The following SPOCK3 variants were observed in gnomAD, a reference collection of about 807,000 sequenced individuals.
SPOCK3 encodes testican-3.
Under a neutral mutation model 56.6 loss-of-function variants are expected in SPOCK3, and 30 were observed. The ratio of observed to expected loss-of-function variants is 0.53; its 90% CI spans 0.40 to 0.72. SPOCK3 has a LOEUF of 0.72. SPOCK3 is among the 30% of genes least tolerant of loss of function. SPOCK3 has a pLI of 0.00. For missense variants in SPOCK3, 527 were observed against 530.0 expected, an observed-to-expected ratio of 0.99 and a Z score of 0.06; for synonymous variants, 196 against 183.3, an observed-to-expected ratio of 1.07 and a Z score of -0.56.
intron 4 of SPOCK3, among the ~76,000 whole-genome samples, chr4:166,917,617 C>A (rs1054221752): frequency 6.6e-6 from 1 of 152,118 alleles, no homozygotes; most frequent in Non-Finnish European, 1.5e-5. Context: ...TATACAGGGT[C>A]ACTGTCACTC....
At chr4:167,205,307 TTA>T (rs554395757) in intron 2 of SPOCK3, among the ~76,000 whole-genome samples, 1 of 39,654 alleles carries the variant, frequency 2.5e-5, no homozygotes, top group African/African-American at 9.0e-5. Context: ...ATAATATATA[TTA>T]TATATTTTAT....
chr4:166,947,420 G>T lies in SPOCK3; in HGVS notation c.351-34677C>A, dbSNP rs76601206. ...TTCCTGAATGTTCATTCATTATAAC[G>T]CTGTGCAGAACTTTGTTTACTAAAG... On this transcript the variant is annotated intron_variant, in intron 4 of 10. Transcript: ENST00000357545. 2.8e-4 allele frequency among the ~76,000 whole-genome samples: 43 copies of T among 152,078 alleles called. 1 individual carries two copies. The East Asian group carries it at 7.4e-3, about 26-fold the overall frequency.
chr4:167,054,824 T>A (rs1481089121), intron 3 of SPOCK3, among the ~76,000 whole-genome samples: 1 of 152,240 alleles, frequency 6.6e-6, no homozygotes, highest in Non-Finnish European at 1.5e-5. Flanking sequence ...TAGTTGATTT[T>A]ATCTAGAAGC....
chr4:166,860,114 G>A (rs1004011035), intron 6 of SPOCK3, among the ~76,000 whole-genome samples: 15 of 152,212 alleles, frequency 9.9e-5, no homozygotes, highest in East Asian at 3.9e-4. Context: ...TGAATCAGGC[G>A]TAGCTGGTAT....
chr4:167,027,609 T>G (rs1751815061), intron 3 of SPOCK3, among the ~76,000 whole-genome samples: 1 of 152,086 alleles, frequency 6.6e-6, no homozygotes, highest in Non-Finnish European at 1.5e-5. Flanking sequence ...TATTAACAGC[T>G]TACTGTTGAA....
chr4:166,765,965 C>G (rs1737978820), intron 7 of SPOCK3, among the ~76,000 whole-genome samples: 1 of 151,970 alleles, frequency 6.6e-6, no homozygotes, highest in African/African-American at 2.4e-5. Flanking sequence ...AATGGGAGTT[C>G]ACTCATGATT....
At chr4:166,771,550 A>G (rs182684634) in intron 7 of SPOCK3, among the ~76,000 whole-genome samples, 78 of 152,124 alleles carry the variant, frequency 5.1e-4, no homozygotes, top group Non-Finnish European at 9.0e-4. Flanking sequence ...TTATTATTAC[A>G]TTTCATCAAA....
At chr4:166,998,652 T>C (rs1433273691) in intron 4 of SPOCK3, among the ~76,000 whole-genome samples, 1 of 152,118 alleles carries the variant, frequency 6.6e-6, no homozygotes, top group African/African-American at 2.4e-5. Flanking sequence ...ACGTCTTTGG[T>C]TGCTCTTTGA....
chr4:167,085,497 T>A (rs553530395), intron 2 of SPOCK3, among the ~76,000 whole-genome samples: 1 of 152,270 alleles, frequency 6.6e-6, no homozygotes, highest in South Asian at 2.1e-4. Context: ...CAATACTCAT[T>A]TGAAATATCT....
intron 4 of SPOCK3, among the ~76,000 whole-genome samples, chr4:166,955,104 G>T (rs1226152680): frequency 1.3e-4 from 20 of 152,042 alleles, no homozygotes; most frequent in Admixed American, 1.3e-3. Flanking sequence ...TCACTGTTAT[G>T]TAAATTCATG....
chr4:167,161,393 G>T (rs1468520433), intron 2 of SPOCK3, among the ~76,000 whole-genome samples: 1 of 152,138 alleles, frequency 6.6e-6, no homozygotes, highest in South Asian at 2.1e-4. Context: ...GGAAACAACA[G>T]GTGCTGGAGA....
chr4:166,738,380 G>C (rs1375644880), intron 9 of SPOCK3, among the ~76,000 whole-genome samples: 5 of 151,614 alleles, frequency 3.3e-5, no homozygotes, highest in African/African-American at 9.7e-5. Flanking sequence ...AGGGAACACA[G>C]TCTATTGGGA....
chr4:167,116,571 T>A lies in SPOCK3; in HGVS notation c.190-54034A>T, dbSNP rs377157659. On this transcript the variant is annotated intron_variant, in intron 2 of 10. Transcript: ENST00000357545. The stretch of plus-strand genomic sequence containing the variant: ...ATATATATGAGTATATATACTTTTA[T>A]ACATATATAGTTTTGTATATATATA... Among the ~76,000 whole-genome samples the A allele has an allele frequency of 2.2e-4, 22 of 100,654 alleles. No individual in the cohort carries two copies. In the East Asian group the frequency reaches 3.5e-3, roughly 16 times the overall value. 66.0% of individuals were successfully genotyped at this position (100,654 alleles called of 152,430 possible). A position where few individuals can be genotyped will look rare whatever the true frequency, so the allele number is the denominator to read the frequency against.
intron 4 of SPOCK3, among the ~76,000 whole-genome samples, chr4:166,963,732 A>G (rs115746370): frequency 0.017 from 2,618 of 152,024 alleles, 29 homozygotes; most frequent in Non-Finnish European, 0.026. Context: ...GGCTAACATT[A>G]TTTATTTGTC....
chr4:166,898,747 T>C lies in SPOCK3; in HGVS notation c.475-9503A>G, dbSNP rs74483071. Among the ~76,000 whole-genome samples the C allele has an allele frequency of 2.7e-3, 408 of 152,264 alleles. 9 individuals are homozygous for C. In the East Asian group the frequency reaches 0.06, roughly 22 times the overall value. ...TGTAAAGAAGTTTTCTTGTGGGAGA[T>C]GGAAACCTCTTATCGTTTGCCAAAA... On this transcript the variant is annotated intron_variant, in intron 5 of 10. Coordinates refer to ENST00000357545, the MANE Select transcript of SPOCK3 (RefSeq NM_001040159.2).
intron 2 of SPOCK3, among the ~76,000 whole-genome samples, chr4:167,150,220 C>A (rs779838147): frequency 6.6e-6 from 1 of 151,848 alleles, no homozygotes; most frequent in Non-Finnish European, 1.5e-5. Flanking sequence ...AATAAAGACC[C>A]TATTAAATTT....
At chr4:167,088,244 A>G (rs982508992) in intron 2 of SPOCK3, among the ~76,000 whole-genome samples, 6 of 152,128 alleles carry the variant, frequency 3.9e-5, no homozygotes, top group African/African-American at 1.4e-4. Context: ...TCAGAGGTGC[A>G]GTAAGCTGGT....
At chr4:166,798,114 T>C (rs1397273031) in intron 6 of SPOCK3, among the ~76,000 whole-genome samples, 1 of 152,214 alleles carries the variant, frequency 6.6e-6, no homozygotes, top group Non-Finnish European at 1.5e-5. Context: ...TATAATTATG[T>C]ACAGTATATA....
chr4:166,976,843 C>T (rs1335264954), intron 4 of SPOCK3, among the ~76,000 whole-genome samples: 1 of 151,818 alleles, frequency 6.6e-6, no homozygotes. Flanking sequence ...GTTTTACTCA[C>T]TTTATACTTG....
Sources: allele counts gnomAD v4.1 joint callset (sites outside exome capture counted in the v4.1 genomes callset), GRCh38; gene constraint gnomAD v4.1.1; transcripts MANE v1.5; gene names NCBI Gene and HGNC (gene_info 2026-07-23, HGNC 2026-07-21).